Variants in THTPA observed in about 807,000 individuals in gnomAD.
THTPA encodes thiamine triphosphatase, also known as thiamine-triphosphatase.
In THTPA, 16 loss-of-function variants were observed where a neutral mutation model predicts 16.5. The ratio of observed to expected loss-of-function variants is 0.97; its 90% CI spans 0.66 to 1.47. The LOEUF is 1.47. Among genes scored for constraint, THTPA ranks in the 40% most tolerant of loss-of-function variants. The probability of loss-of-function intolerance (pLI) is 0.00; values close to 1 mark genes in which losing one functional copy is unlikely to be tolerated. For synonymous variants in THTPA, 110 were observed against 115.5 expected (o/e 0.95, Z 0.30); for missense variants, 281 against 280.9 (o/e 1.00, Z 0.00).
the THTPA span, among the ~76,000 whole-genome samples, chr14:23,535,867 T>C: frequency 2.0e-5 from 3 of 152,152 alleles, no homozygotes; most frequent in South Asian, 6.2e-4. This position sits in a 1 kb window ranked among gnomAD's most constrained non-coding sequence, Gnocchi z 4.5. Flanking sequence ...GCTAGGATTA[T>C]AGGCGTGAGC....
At chr14:23,523,934 G>A in the THTPA span, 1 of 1,536,070 alleles carries the variant, frequency 6.5e-7, no homozygotes, top group African/African-American at 1.4e-5. This position sits in a 1 kb window ranked among gnomAD's most constrained non-coding sequence, Gnocchi z 4.1. Flanking sequence ...CTCACTGGGT[G>A]GAGGGGGAGG....
At chr14:23,524,465 G>C in the THTPA span, 3 of 1,534,630 alleles carry the variant, frequency 2.0e-6, no homozygotes, top group Non-Finnish European at 2.6e-6. This position sits in a 1 kb window ranked among gnomAD's most constrained non-coding sequence, Gnocchi z 5.6. Context: ...AGGTGGACCT[G>C]GCATTGGTGA....
the THTPA span, among the ~76,000 whole-genome samples, chr14:23,515,158 T>C: frequency 1.3e-5 from 2 of 152,162 alleles, no homozygotes; most frequent in African/African-American, 4.8e-5. Flanking sequence ...GTTACCAGGA[T>C]GGCACAAGAA....
At chr14:23,524,898 C>T in the THTPA span, 1 of 1,536,388 alleles carries the variant, frequency 6.5e-7, no homozygotes, top group Admixed American at 2.0e-5. The surrounding 1 kb of genome is among the most constrained non-coding windows in gnomAD (Gnocchi z 5.6). Flanking sequence ...AACTCAAAAA[C>T]ACAGGAGAAA....
At chr14:23,529,496 C>T in the THTPA span, 1 of 562,726 alleles carries the variant, frequency 1.8e-6, no homozygotes, top group East Asian at 3.0e-5. Context: ...TGTCTCCCTC[C>T]TATCATCTCC....
chr14:23,536,809 C>T, the THTPA span, among the ~76,000 whole-genome samples: 414 of 152,166 alleles, frequency 2.7e-3, 3 homozygotes, highest in Middle Eastern at 0.024. Flanking sequence ...CCCTTGGACA[C>T]AATACAGGTA....
At position 23,558,755 on chromosome 14, in the gene THTPA, C is replaced by T. The variant is rs147349263; in HGVS notation, c.608C>T (p.Pro203Leu). 3.7e-6 allele frequency: 6 copies of T among 1,614,220 alleles called. No individual in the cohort carries two copies. In the African/African-American group the frequency reaches 8.0e-5, roughly 22 times the overall value. Reference protein sequence around the residue: ...KLIVYLQRFRPQDYQRLLEVN... With the variant: ...KLIVYLQRFRLQDYQRLLEVN... ...ATTGTGTATCTACAGCGTTTCCGGCCTCAAGACTATCAGCGCCTGCTAGAA... is the reference window on the plus strand; with the variant it reads ...ATTGTGTATCTACAGCGTTTCCGGCTTCAAGACTATCAGCGCCTGCTAGAA... The change falls in exon 2 of 2, where the codon CCT becomes CTT. Residue 203 changes from proline to leucine, a missense_variant. Physicochemically the swap from Pro to Leu is moderately conservative, Grantham distance 98 (BLOSUM62 -3). Transcript: ENST00000288014.
At chr14:23,537,298 C>T in the THTPA span, among the ~76,000 whole-genome samples, 3 of 152,066 alleles carry the variant, frequency 2.0e-5, no homozygotes, top group Non-Finnish European at 4.4e-5. Flanking sequence ...CCATCCTATA[C>T]TTCCCCCAAG....
the THTPA span, chr14:23,525,686 C>T: frequency 6.5e-7 from 1 of 1,530,242 alleles, no homozygotes; most frequent in Non-Finnish European, 8.7e-7. This position sits in a 1 kb window ranked among gnomAD's most constrained non-coding sequence, Gnocchi z 5.9. Flanking sequence ...TGCCTCATTA[C>T]CCTCTTTGGC....
chr14:23,526,903 C>T, the THTPA span: 4 of 1,534,532 alleles, frequency 2.6e-6, no homozygotes, highest in South Asian at 3.6e-5. Flanking sequence ...GGGTTCTTGG[C>T]CATTGTCCAG....
the THTPA span, among the ~76,000 whole-genome samples, chr14:23,548,049 C>G: frequency 3.3e-5 from 5 of 152,192 alleles, no homozygotes; most frequent in African/African-American, 1.2e-4. Flanking sequence ...AGTTTACACT[C>G]ACACAGCCCC....
At chr14:23,549,374 G>A in the THTPA span, among the ~76,000 whole-genome samples, 15 of 152,094 alleles carry the variant, frequency 9.9e-5, no homozygotes, top group African/African-American at 3.6e-4. Context: ...GCCCATGTCT[G>A]CCTGCTCCTT....
the THTPA span, among the ~76,000 whole-genome samples, chr14:23,517,836 C>G: frequency 6.6e-6 from 1 of 152,158 alleles, no homozygotes; most frequent in African/African-American, 2.4e-5. Flanking sequence ...CATCCATTTT[C>G]AGGGCTAGTT....
the THTPA span, chr14:23,529,872 GA>G: frequency 7.4e-6 from 9 of 1,216,026 alleles, no homozygotes; most frequent in Admixed American, 1.2e-4. Flanking sequence ...GAAAGGGCAG[GA>G]AACTCAGTAG....
chr14:23,530,512 G>A, the THTPA span: 3 of 556,476 alleles, frequency 5.4e-6, no homozygotes, highest in East Asian at 4.1e-5. Context: ...CCCAGGAAAT[G>A]GGAAGCCCCA....
chr14:23,560,006 C>T lies in THTPA; in HGVS notation c.*1166C>T, dbSNP rs745504782. On this transcript the variant is annotated 3_prime_UTR_variant, in exon 2 of 2. Coordinates refer to ENST00000288014, the MANE Select transcript of THTPA (RefSeq NM_024328.6). ...CCACCCCGAGCTGGAACTGTGTTCCCACTGGGGGCCTGCAGCTGCAGCTGG... is the reference window on the plus strand; with the variant it reads ...CCACCCCGAGCTGGAACTGTGTTCCTACTGGGGGCCTGCAGCTGCAGCTGG... The T allele has an allele frequency of 2.5e-5, 40 of 1,610,842 alleles. No homozygotes were observed. The South Asian group carries it at 2.8e-4, about 11-fold the overall frequency.
the THTPA span, chr14:23,522,167 C>G: frequency 6.7e-7 from 1 of 1,499,460 alleles, no homozygotes; most frequent in Non-Finnish European, 8.9e-7. Flanking sequence ...TTCACGCCCA[C>G]TCAGCAGCAC....
chr14:23,555,246 G>T (rs916847946), upstream of THTPA, among the ~76,000 whole-genome samples: 1 of 152,136 alleles, frequency 6.6e-6, no homozygotes, highest in African/African-American at 2.4e-5. Context: ...TGATTCACCT[G>T]CCTCGGCTTC....
At chr14:23,528,886 C>G in the THTPA span, 4 of 961,304 alleles carry the variant, frequency 4.2e-6, no homozygotes, top group Non-Finnish European at 5.0e-6. Flanking sequence ...GTGGCACAGG[C>G]CTGTGTGTCA....
Sources: allele counts gnomAD v4.1 joint callset (sites outside exome capture counted in the v4.1 genomes callset), GRCh38; gene constraint gnomAD v4.1.1; non-coding constraint Gnocchi (gnomAD v3.1); transcripts MANE v1.5; gene names NCBI Gene and HGNC (gene_info 2026-07-23, HGNC 2026-07-21).